Variants in FBXL17 observed in about 807,000 individuals in gnomAD.
The protein encoded by FBXL17 is F-box and leucine rich repeat protein 17.
In FBXL17, 22 loss-of-function variants were observed where a neutral mutation model predicts 66.2. The ratio of observed to expected loss-of-function variants is 0.33; its 90% CI spans 0.24 to 0.47. The LOEUF (loss-of-function observed/expected upper bound fraction) is 0.47, where lower values mean the gene tolerates loss of function less well. FBXL17 is among the 20% of genes least tolerant of loss of function. FBXL17 has a pLI of 1.00. For synonymous variants in FBXL17, 474 were observed against 400.5 expected (o/e 1.18, Z -2.19); for missense variants, 878 against 948.2 (o/e 0.93, Z 0.97).
intron 6 of FBXL17, among the ~76,000 whole-genome samples, chr5:108,109,001 T>A (rs1467271270): frequency 6.6e-6 from 1 of 152,050 alleles, no homozygotes; most frequent in Non-Finnish European, 1.5e-5. Flanking sequence ...CAGGCTGGTC[T>A]CGAACTCCTG....
rs902824728 is a variant in FBXL17 at position 107,859,370 on chromosome 5, G to A, written c.*2350C>T. 1.4e-5 allele frequency: 2 copies of A among 143,856 alleles called. No homozygotes were observed. The highest frequency in any genetic ancestry group is 5.2e-5 in the African/African-American group (2 of 38,462). The allele number at this position is 143,856 out of a possible 1,614,324, so 8.9% of individuals were successfully genotyped here. On this transcript the variant is annotated 3_prime_UTR_variant, in exon 9 of 9. Coordinates refer to ENST00000542267, the MANE Select transcript of FBXL17 (RefSeq NM_001163315.3). ...CAACAACCATCACAGGACCACTCAAGGTGATGCTTTTTTCTGGCTGTTTTT... is the reference window on the plus strand; with the variant it reads ...CAACAACCATCACAGGACCACTCAAAGTGATGCTTTTTTCTGGCTGTTTTT...
At chr5:107,963,349 CTGTGTG>C (rs141211295) in intron 7 of FBXL17, among the ~76,000 whole-genome samples, 4 of 151,926 alleles carry the variant, frequency 2.6e-5, no homozygotes, top group African/African-American at 9.7e-5. Context: ...AAACAAAACT[CTGTGTG>C]TGTGTATGTG....
chr5:108,240,847 G>A (rs569070895), intron 4 of FBXL17, among the ~76,000 whole-genome samples: 9 of 152,226 alleles, frequency 5.9e-5, no homozygotes, highest in Admixed American at 3.3e-4. Context: ...CCAGCTCCAC[G>A]TAGCTCAGTG....
intron 7 of FBXL17, among the ~76,000 whole-genome samples, chr5:108,012,133 C>T (rs723396): frequency 0.42 from 64,387 of 151,922 alleles, 14,728 homozygotes; most frequent in East Asian, 0.6. Flanking sequence ...TGCAAATTAA[C>T]TAAAACCTGT....
intron 4 of FBXL17, among the ~76,000 whole-genome samples, chr5:108,229,366 C>T (rs957098487): frequency 4.6e-5 from 7 of 151,970 alleles, no homozygotes; most frequent in South Asian, 2.1e-4. Flanking sequence ...TATAAAAATA[C>T]GCATATAGGC....
intron 6 of FBXL17, among the ~76,000 whole-genome samples, chr5:108,155,315 G>C (rs1194101175): frequency 6.6e-6 from 1 of 152,068 alleles, no homozygotes; most frequent in Non-Finnish European, 1.5e-5. Flanking sequence ...TGGAGTTTAA[G>C]ACCAGCCTGA....
At chr5:108,084,774 T>A (rs912201129) in intron 6 of FBXL17, among the ~76,000 whole-genome samples, 4 of 152,198 alleles carry the variant, frequency 2.6e-5, no homozygotes, top group Admixed American at 2.6e-4. Context: ...AGAAATCAAA[T>A]GCTGATGTTT....
At chr5:108,141,939 T>A (rs1751366764) in intron 6 of FBXL17, among the ~76,000 whole-genome samples, 1 of 152,216 alleles carries the variant, frequency 6.6e-6, no homozygotes, top group Non-Finnish European at 1.5e-5. Flanking sequence ...TGCTCTCTGA[T>A]ATACTTCCAG....
Position 108,012,884 on chromosome 5 carries a change from A to G in FBXL17, c.1822+8041T>C, listed in dbSNP as rs540075374. Among the ~76,000 whole-genome samples, 519 of 152,116 alleles carry G rather than the reference A, an allele frequency of 3.4e-3. 1 individual carries two copies. The highest frequency in any genetic ancestry group is 3.5e-3 in the East Asian group (18 of 5,164). Reference sequence around the variant, plus strand: ...TACAAAATTAGCCGGGCGTGGTGGCACATGCCTGTAATCCCAGCTACTAGG... The same window carrying G: ...TACAAAATTAGCCGGGCGTGGTGGCGCATGCCTGTAATCCCAGCTACTAGG... On this transcript the variant is annotated intron_variant, in intron 7 of 8. Transcript: ENST00000542267.
intron 8 of FBXL17, among the ~76,000 whole-genome samples, chr5:107,876,334 G>A (rs1748612330): frequency 1.3e-5 from 2 of 152,072 alleles, no homozygotes; most frequent in African/African-American, 4.8e-5. Context: ...AATGAACAGT[G>A]TATAAAATTA....
chr5:107,899,910 G>T (rs1321749665), intron 7 of FBXL17, among the ~76,000 whole-genome samples: 1 of 152,072 alleles, frequency 6.6e-6, no homozygotes, highest in Non-Finnish European at 1.5e-5. Flanking sequence ...CCCAGCACAT[G>T]CATTTTAAGA....
At chr5:108,144,058 G>C (rs1751466472) in intron 6 of FBXL17, among the ~76,000 whole-genome samples, 1 of 152,022 alleles carries the variant, frequency 6.6e-6, no homozygotes, top group Non-Finnish European at 1.5e-5. Flanking sequence ...GATGATGGCA[G>C]AACAAAGGAA....
chr5:108,164,475 G>A (rs937140325), intron 6 of FBXL17, among the ~76,000 whole-genome samples: 4 of 151,982 alleles, frequency 2.6e-5, no homozygotes, highest in Non-Finnish European at 4.4e-5. Flanking sequence ...TTTACTTAAC[G>A]TCTTATTTCC....
chr5:107,945,046 CTAAGAA>C (rs1561332784), intron 7 of FBXL17, among the ~76,000 whole-genome samples: 1 of 144,844 alleles, frequency 6.9e-6, no homozygotes, highest in African/African-American at 2.9e-5. Flanking sequence ...TCCAGACTGT[CTAAGAA>C]TAACTACAAA....
chr5:108,160,474 A>G (rs1231240937), intron 6 of FBXL17, among the ~76,000 whole-genome samples: 2 of 152,238 alleles, frequency 1.3e-5, no homozygotes, highest in Admixed American at 1.3e-4. Flanking sequence ...GAAAGTTCTC[A>G]GTTAGTAGCT....
chr5:107,902,300 G>A (rs1749592773), intron 7 of FBXL17, among the ~76,000 whole-genome samples: 1 of 152,004 alleles, frequency 6.6e-6, no homozygotes, highest in African/African-American at 2.4e-5. Context: ...GGAATTAATA[G>A]GTTTATATGG....
At chr5:108,057,150 T>C (rs1160668151) in intron 6 of FBXL17, among the ~76,000 whole-genome samples, 1 of 152,200 alleles carries the variant, frequency 6.6e-6, no homozygotes, top group Non-Finnish European at 1.5e-5. Flanking sequence ...AAAAAGTGTT[T>C]GATATAATGT....
intron 7 of FBXL17, among the ~76,000 whole-genome samples, chr5:107,918,185 A>G (rs1750196600): frequency 6.6e-6 from 1 of 152,158 alleles, no homozygotes; most frequent in African/African-American, 2.4e-5. Flanking sequence ...ACCCAGAGCA[A>G]TGGGGGCCTG....
intron 6 of FBXL17, among the ~76,000 whole-genome samples, chr5:108,038,135 G>A (rs923068726): frequency 2.0e-5 from 3 of 152,088 alleles, no homozygotes; most frequent in African/African-American, 7.2e-5. Flanking sequence ...AAAGACCTAA[G>A]AGCTATATCA....
Sources: gnomAD v4.1 joint callset for allele counts (sites outside exome capture counted in the v4.1 genomes callset) on GRCh38, gnomAD v4.1.1 for gene constraint, MANE v1.5 for transcripts, NCBI Gene and HGNC (gene_info 2026-07-23, HGNC 2026-07-21) for gene names.